Variants in GANC observed in about 807,000 individuals in gnomAD.
GANC encodes glucosidase alpha, neutral C, also known as neutral alpha-glucosidase C.
Under a neutral mutation model 124.2 loss-of-function variants are expected in GANC, and 117 were observed. The ratio of observed to expected loss-of-function variants is 0.94; its 90% CI spans 0.81 to 1.10. The LOEUF (loss-of-function observed/expected upper bound fraction) is 1.10, where lower values mean the gene tolerates loss of function less well. Ranked by LOEUF, GANC falls within the 50% of genes least tolerant of loss-of-function variation. The pLI, the probability that GANC is intolerant of heterozygous loss-of-function variation, is 0.00. For synonymous variants in GANC, 377 were observed against 376.8 expected (o/e 1.00, Z -0.01); for missense variants, 1,140 against 1,095.0 (o/e 1.04, Z -0.58).
chr15:42,344,904 A>T (rs80242817), intron 19 of GANC: 1 of 151,980 alleles, frequency 6.6e-6, no homozygotes, highest in East Asian at 1.9e-4. Context: ...CATTCCAAAC[A>T]CGTCGTTGTG....
rs566857836 is a variant in GANC, at chr15:42,334,151, A to C, written c.1741+3479A>C. The stretch of plus-strand genomic sequence containing the variant: ...AATACAACCTAACTTCTGGAAAAAA[A>C]CATAGAATAAAATCTTTTTTTTTTT... On this transcript the variant is annotated intron_variant, in intron 15 of 23. Transcript: ENST00000318010. Among the ~76,000 whole-genome samples the C allele has an allele frequency of 3.7e-5, 5 of 134,348 alleles. No individual in the cohort carries two copies. In the East Asian group the frequency reaches 1.1e-3, roughly 29 times the overall value. 88.1% of individuals were successfully genotyped at this position (134,348 alleles called of 152,430 possible). A position where few individuals can be genotyped will look rare whatever the true frequency, so the allele number is the denominator to read the frequency against.
At chr15:42,284,012 G>T in intron 3 of GANC, 1 of 702,372 alleles carries the variant, frequency 1.4e-6, no homozygotes. Context: ...TGAACTATTA[G>T]ACCATCCTCT....
intron 3 of GANC, among the ~76,000 whole-genome samples, chr15:42,280,154 C>A (rs2051717684): frequency 6.6e-6 from 1 of 152,136 alleles, no homozygotes; most frequent in South Asian, 2.1e-4. Context: ...ACATTTAGCT[C>A]ATCTCTCTTA....
At chr15:42,310,499 A>C in intron 9 of GANC, 36 bp downstream of exon 9, 1 of 1,549,938 alleles carries the variant, frequency 6.5e-7, no homozygotes, top group Non-Finnish European at 8.7e-7. Flanking sequence ...TCATACTTAA[A>C]GAAGAAACAA....
At chr15:42,333,301 C>G (rs2052260700) in intron 15 of GANC, among the ~76,000 whole-genome samples, 1 of 151,230 alleles carries the variant, frequency 6.6e-6, no homozygotes, top group Non-Finnish European at 1.5e-5. Context: ...GCAGTCCAGC[C>G]TGGGCCACAG....
intron 19 of GANC, chr15:42,343,374 C>A: frequency 1.9e-6 from 1 of 527,454 alleles, no homozygotes; most frequent in Non-Finnish European, 3.4e-6. Context: ...CAAGGAGGAT[C>A]AGAATGATTT....
rs138942404 is a variant in GANC, at chr15:42,345,814, C to T, written c.2286C>T (p.Ile762=). 2.4e-5 allele frequency: 38 copies of T among 1,610,004 alleles called. No homozygotes were observed. The highest frequency in any genetic ancestry group is 3.1e-5 in the Non-Finnish European group (36 of 1,176,568). The part of the protein sequence containing the change: ...AHWEGGCTVK[I]PVALDTIPVF... Reference sequence around the variant, plus strand: ...GGGAAGGAGGGTGTACTGTAAAGATCCCAGTAGCCTTGGACACTGTAAGTT... The same window carrying T: ...GGGAAGGAGGGTGTACTGTAAAGATTCCAGTAGCCTTGGACACTGTAAGTT... The change falls in exon 20 of 24, where the codon ATC becomes ATT. Residue 762 remains isoleucine, a synonymous_variant. Transcript: ENST00000318010.
chr15:42,352,003 T>C lies in GANC; in HGVS notation c.2636-27T>C, dbSNP rs370937736. On this transcript the variant is annotated intron_variant, in intron 23 of 23. Coordinates refer to ENST00000318010, the MANE Select transcript of GANC (RefSeq NM_198141.3). ...TCCCTTCTAGAGATTCATCAAAATT[T>C]CCCTCTTTTATTGTCTTGCTATTTA... 2,508 of 1,612,894 alleles carry C rather than the reference T, an allele frequency of 1.6e-3. 5 individuals are homozygous for C. Among genetic ancestry groups the C allele is most frequent in the South Asian group, 2.2e-3 (201 of 90,926 alleles).
chr15:42,328,828 A>G (rs968581625), intron 13 of GANC, among the ~76,000 whole-genome samples: 23 of 152,176 alleles, frequency 1.5e-4, no homozygotes, highest in African/African-American at 5.3e-4. Flanking sequence ...CAAACTATAG[A>G]TCATGTTAAC....
Position 42,329,294 on chromosome 15 carries a change from T to C in GANC, c.1501-12T>C. ...CAATGTAGGAGTGTCATGACCAAGG[T>C]TTACTTCCTAGGGATCTACGGACAT... is the stretch of plus-strand genomic sequence containing the variant. On this transcript the variant is annotated splice_polypyrimidine_tract_variant and intron_variant, in intron 13 of 23. Coordinates refer to ENST00000318010, the MANE Select transcript of GANC (RefSeq NM_198141.3). 1 of 1,607,938 alleles carries C rather than the reference T, an allele frequency of 6.2e-7. No individual in the cohort carries two copies. Among genetic ancestry groups the C allele is most frequent in the Non-Finnish European group, 8.5e-7 (1 of 1,177,644 alleles).
Position 42,310,319 on chromosome 15 carries a change from C to A in GANC, c.759C>A (p.Val253=). 6.2e-7 allele frequency: 1 copy of A among 1,611,852 alleles called. No individual in the cohort carries two copies. The highest frequency in any genetic ancestry group is 8.5e-7 in the Non-Finnish European group (1 of 1,178,614). ...GDAYRLYNLD[V]YGYQIYDKMG... Reference sequence around the variant, plus strand: ...CTTACCGTCTTTATAACCTGGATGTCTATGGATACCAAATATATGATAAAA... The same window carrying A: ...CTTACCGTCTTTATAACCTGGATGTATATGGATACCAAATATATGATAAAA... The change falls in exon 9 of 24, where the codon GTC becomes GTA. Residue 253 remains valine (V), a synonymous_variant. Coordinates refer to ENST00000318010, the MANE Select transcript of GANC (RefSeq NM_198141.3).
chr15:42,335,118 A>G (rs1460430685), intron 15 of GANC, among the ~76,000 whole-genome samples: 1 of 152,182 alleles, frequency 6.6e-6, no homozygotes, highest in African/African-American at 2.4e-5. Flanking sequence ...CTCATTCTAT[A>G]ATGCCAGCAT....
chr15:42,326,161 T>G, intron 11 of GANC, 137 bp from the exon 12 acceptor site: 1 of 649,332 alleles, frequency 1.5e-6, no homozygotes, highest in South Asian at 2.0e-5. Context: ...TTTGTTTTTG[T>G]TTTTTTGTCT....
rs766978082 is a variant in GANC at position 42,340,519 on chromosome 15, G to A, written c.2088-171G>A. On this transcript the variant is annotated intron_variant, in intron 17 of 23. Coordinates refer to ENST00000318010, the MANE Select transcript of GANC (RefSeq NM_198141.3). ...CTTGGGAGACCGAGGCAGGAGAATC[G>A]GTTGAACCCAAGAGGCGGAAACTGC... Among the ~76,000 whole-genome samples, 6 of 151,724 alleles carry A rather than the reference G, an allele frequency of 4.0e-5. No individual in the cohort carries two copies. The South Asian group carries it at 1.0e-3, about 26-fold the overall frequency.
intron 2 of GANC, 95 bp downstream of exon 2, chr15:42,276,505 A>G (rs1183781502): frequency 3.3e-6 from 2 of 601,308 alleles, no homozygotes; most frequent in Non-Finnish European, 6.0e-6. Flanking sequence ...AGACTTTCCA[A>G]GGAAAGGATA....
chr15:42,315,905 C>T (rs554106836), intron 10 of GANC, among the ~76,000 whole-genome samples: 1 of 152,180 alleles, frequency 6.6e-6, no homozygotes, highest in Non-Finnish European at 1.5e-5. Flanking sequence ...CCAGTATCTC[C>T]TGCAAAACTC....
In GANC at chr15:42,292,807, C is replaced by T; in HGVS notation, c.402C>T (p.Ile134=). 1 of 1,614,118 alleles carries T rather than the reference C, an allele frequency of 6.2e-7. No homozygotes were observed. Among genetic ancestry groups the T allele is most frequent in the Non-Finnish European group, 8.5e-7 (1 of 1,179,996 alleles). ...GAAAAGGAGACCTGAAGTGCCATATCACAGCAAACCCATTCAAGGTAGACT... is the reference window on the plus strand; with the variant it reads ...GAAAAGGAGACCTGAAGTGCCATATTACAGCAAACCCATTCAAGGTAGACT... ...ADGKGDLKCH[I]TANPFKVDLV... Residue 134 remains isoleucine (I), a synonymous_variant, in exon 5 of 24, where the codon ATC becomes ATT. Coordinates refer to ENST00000318010, the MANE Select transcript of GANC (RefSeq NM_198141.3).
intron 6 of GANC, among the ~76,000 whole-genome samples, chr15:42,300,604 A>G (rs2051936223): frequency 6.6e-6 from 1 of 152,254 alleles, no homozygotes; most frequent in African/African-American, 2.4e-5. Context: ...CTTGGTATAT[A>G]CCCAAAGGAA....
At chr15:42,279,185 A>G (rs1384404849) in intron 3 of GANC, among the ~76,000 whole-genome samples, 2 of 152,148 alleles carry the variant, frequency 1.3e-5, no homozygotes, top group African/African-American at 4.8e-5. Flanking sequence ...TATTATCCCA[A>G]TTTTCAGATA....
Sources: allele counts gnomAD v4.1 joint callset (sites outside exome capture counted in the v4.1 genomes callset), GRCh38; gene constraint gnomAD v4.1.1; transcripts MANE v1.5; gene names NCBI Gene and HGNC (gene_info 2026-07-23, HGNC 2026-07-21).